The following FER1L6 variants were observed in gnomAD, a reference collection of about 807,000 sequenced individuals.
FER1L6 encodes the protein fer-1-like protein 6.
In FER1L6, 177 loss-of-function variants were observed where a neutral mutation model predicts 219.2. That is an observed-to-expected ratio of 0.81 (90% CI 0.71 to 0.91). The LOEUF is 0.91. FER1L6 is among the 40% of genes least tolerant of loss of function. The pLI is 0.00. For missense variants in FER1L6, 2,153 were observed against 2,259.9 expected, an observed-to-expected ratio of 0.95 and a Z score of 0.96; for synonymous variants, 768 against 824.3, an observed-to-expected ratio of 0.93 and a Z score of 1.17.
chr8:124,114,257 T>C (rs1823140540), intron 39 of FER1L6, among the ~76,000 whole-genome samples: 4 of 152,058 alleles, frequency 2.6e-5, no homozygotes, highest in Admixed American at 1.3e-4. Context: ...AATACATAAT[T>C]ATATCACTTA....
intron 1 of FER1L6, among the ~76,000 whole-genome samples, chr8:123,854,129 A>G (rs73703688): frequency 6.6e-6 from 1 of 152,296 alleles, no homozygotes; most frequent in Admixed American, 6.5e-5. Flanking sequence ...TACGGCTCCA[A>G]CATGATGCCA....
intron 39 of FER1L6, among the ~76,000 whole-genome samples, chr8:124,104,523 A>C (rs13261097): frequency 0.81 from 123,129 of 152,102 alleles, 50,082 homozygotes; most frequent in Non-Finnish European, 0.86. Flanking sequence ...TGAAAAAGAG[A>C]AGATATCTAT....
In FER1L6 at chr8:124,049,644, C is replaced by A. The variant is rs749780625; in HGVS notation, c.2762C>A (p.Pro921His). The A allele has an allele frequency of 1.2e-6, 2 of 1,613,982 alleles. No individual in the cohort carries two copies. Among genetic ancestry groups the A allele is most frequent in the South Asian group, 2.2e-5 (2 of 91,072 alleles). ...PEYLGATVAA[P>H]VVKLADQDYE... is the part of the protein sequence containing the mutation. ...TATTTGGGTGCCACAGTGGCTGCTC[C>A]TGTTGTGAAGCTGGCTGACCAGGAC... The change falls in exon 22 of 41, where the codon CCT becomes CAT. Residue 921 changes from proline (P) to histidine (H), a missense_variant. Pro to His is a moderately conservative substitution (Grantham distance 77, BLOSUM62 -2). Coordinates refer to ENST00000522917, the MANE Select transcript of FER1L6 (RefSeq NM_001039112.2).
chr8:123,938,787 A>G (rs1814109324), intron 1 of FER1L6, among the ~76,000 whole-genome samples: 1 of 152,082 alleles, frequency 6.6e-6, no homozygotes, highest in Non-Finnish European at 1.5e-5. Flanking sequence ...AGCTCAAGCT[A>G]TCTACCTGCC....
chr8:124,016,381 T>G (rs997527396), intron 15 of FER1L6, among the ~76,000 whole-genome samples: 12 of 152,202 alleles, frequency 7.9e-5, no homozygotes, highest in Non-Finnish European at 2.9e-5. Flanking sequence ...CTGGGTGGTG[T>G]GGCATCTTAG....
At chr8:123,892,719 C>T (rs1201626150) in intron 1 of FER1L6, among the ~76,000 whole-genome samples, 2 of 152,122 alleles carry the variant, frequency 1.3e-5, no homozygotes, top group Non-Finnish European at 2.9e-5. Context: ...TTTATAATAA[C>T]CTGTGATTCT....
chr8:123,911,855 CA>C (rs1396017567), intron 1 of FER1L6, among the ~76,000 whole-genome samples: 1 of 152,186 alleles, frequency 6.6e-6, no homozygotes, highest in Non-Finnish European at 1.5e-5. Context: ...CTTGTGCAAA[CA>C]GGCTGTTGGT....
chr8:124,040,123 T>C (rs1819418328), intron 20 of FER1L6, 117 bp downstream of exon 20: 1 of 1,372,754 alleles, frequency 7.3e-7, no homozygotes, highest in Non-Finnish European at 1.0e-6. Flanking sequence ...TTTGGGTGTG[T>C]AGATGTTTCA....
chr8:124,008,955 A>G (rs76835523), intron 13 of FER1L6, among the ~76,000 whole-genome samples: 5,558 of 152,314 alleles, frequency 0.036, 224 homozygotes, highest in East Asian at 0.11. Context: ...CACAAATGCA[A>G]ATCAAGACCA....
chr8:123,895,361 A>G (rs150490670), intron 1 of FER1L6, among the ~76,000 whole-genome samples: 79 of 152,326 alleles, frequency 5.2e-4, no homozygotes, highest in African/African-American at 1.9e-3. Flanking sequence ...TCATGGGTAC[A>G]CTTGGAGAAA....
In FER1L6 at chr8:123,956,075, G is replaced by A. The variant is rs1815004012; in HGVS notation, c.76+1G>A. On this transcript the variant is annotated splice_donor_variant, in intron 2 of 40. Transcript: ENST00000522917. LOFTEE classifies it high-confidence loss of function. ...ATCCTAGCCAACAAGGCTGCGAAAGGTGAGGCTGGGGGTGGGGTGCTGACC... is the reference window on the plus strand; with the variant it reads ...ATCCTAGCCAACAAGGCTGCGAAAGATGAGGCTGGGGGTGGGGTGCTGACC... 6.2e-7 allele frequency: 1 copy of A among 1,609,542 alleles called. No individual in the cohort carries two copies. The highest frequency in any genetic ancestry group is 1.1e-5 in the South Asian group (1 of 89,730).
chr8:124,081,700 T>A (rs1375767438), intron 32 of FER1L6, among the ~76,000 whole-genome samples: 1 of 151,984 alleles, frequency 6.6e-6, no homozygotes, highest in East Asian at 1.9e-4. Context: ...TATGTTTTTA[T>A]AATTTTTCAT....
Position 123,968,304 on chromosome 8 carries a change from C to T in FER1L6, c.385-1731C>T, listed in dbSNP as rs567334220. Among the ~76,000 whole-genome samples, 35 of 152,152 alleles carry T rather than the reference C, an allele frequency of 2.3e-4. No individual in the cohort carries two copies. In the South Asian group the frequency reaches 2.7e-3, roughly 12 times the overall value. The stretch of plus-strand genomic sequence containing the variant: ...ACGTTAAACTGGGCCCAAGTGTAAC[C>T]GGTAGAAAAATCACATAGAAACACA... On this transcript the variant is annotated intron_variant, in intron 5 of 40. Transcript: ENST00000522917.
intron 18 of FER1L6, among the ~76,000 whole-genome samples, chr8:124,023,812 GAC>G (rs1022669745): frequency 6.6e-5 from 10 of 151,866 alleles, no homozygotes; most frequent in Admixed American, 6.6e-5. Context: ...TACATCACCA[GAC>G]ACACATAAGT....
rs2130335960 is a variant in FER1L6 at position 123,980,746 on chromosome 8, C to T, written c.1345C>T (p.Gln449Ter). 1 of 1,614,122 alleles carries T rather than the reference C, an allele frequency of 6.2e-7. No individual in the cohort carries two copies. The highest frequency in any genetic ancestry group is 1.7e-5 in the Admixed American group (1 of 60,004). Reference sequence around the variant, plus strand: ...TGACAAAACTGAAGATGGAAAATCCCAACAGGCTTCAAACAAAACTAACTC... The same window carrying T: ...TGACAAAACTGAAGATGGAAAATCCTAACAGGCTTCAAACAAAACTAACTC... The part of the protein sequence containing the change: ...KADKTEDGKS[Q>*]QASNKTNSTE... Residue 449 changes from glutamine to a stop codon, truncating the protein, a stop_gained, in exon 11 of 41, where the codon CAA (glutamine) becomes TAA (stop). Coordinates refer to ENST00000522917, the MANE Select transcript of FER1L6 (RefSeq NM_001039112.2). LOFTEE classifies it high-confidence loss of function.
At chr8:123,880,426 CT>C (rs1296139406) in intron 1 of FER1L6, among the ~76,000 whole-genome samples, 1 of 152,184 alleles carries the variant, frequency 6.6e-6, no homozygotes, top group Non-Finnish European at 1.5e-5. Context: ...AGGTTAATAT[CT>C]TGAGGAGCTT....
intron 1 of FER1L6, among the ~76,000 whole-genome samples, chr8:123,899,315 G>C (rs1451916223): frequency 6.6e-6 from 1 of 151,858 alleles, no homozygotes; most frequent in African/African-American, 2.4e-5. Context: ...TTTGAGAATT[G>C]TCTATTCATG....
At chr8:123,991,391 T>C (rs1471849219) in intron 12 of FER1L6, among the ~76,000 whole-genome samples, 1 of 152,206 alleles carries the variant, frequency 6.6e-6, no homozygotes, top group East Asian at 1.9e-4. Flanking sequence ...CAGCAGTGTT[T>C]TGTAGTTCTC....
At position 123,991,142 on chromosome 8, in the gene FER1L6, G is replaced by A. The variant is rs148819226; in HGVS notation, c.1519+4966G>A. On this transcript the variant is annotated intron_variant, in intron 12 of 40. Coordinates refer to ENST00000522917, the MANE Select transcript of FER1L6 (RefSeq NM_001039112.2). The stretch of plus-strand genomic sequence containing the variant: ...GCAGTATAACTTGAAGTCAGGTAAT[G>A]TGATGCTTCCAGATTTGTTCTTTTT... 3.0e-3 allele frequency among the ~76,000 whole-genome samples: 457 copies of A among 152,296 alleles called. 2 individuals carry two copies. Among genetic ancestry groups the A allele is most frequent in the African/African-American group, 0.01 (435 of 41,574 alleles).
Sources: allele counts gnomAD v4.1 joint callset (sites outside exome capture counted in the v4.1 genomes callset), GRCh38; gene constraint gnomAD v4.1.1; transcripts MANE v1.5; gene names NCBI Gene and HGNC (gene_info 2026-07-23, HGNC 2026-07-21).